Variants in DGCR2 observed in about 807,000 individuals in gnomAD.
DGCR2 encodes DiGeorge syndrome critical region gene 2, also known as integral membrane protein DGCR2/IDD.
DGCR2 carries 24 observed loss-of-function variants against 51.6 expected under a neutral mutation model. That is an observed-to-expected ratio of 0.47 (90% confidence interval 0.34 to 0.65). The LOEUF is 0.65. DGCR2 is among the 30% of genes least tolerant of loss of function. The probability of loss-of-function intolerance (pLI) is 0.01; values close to 1 mark genes in which losing one functional copy is unlikely to be tolerated. For synonymous variants in DGCR2, 340 were observed against 315.4 expected (o/e 1.08, Z -0.82); for missense variants, 765 against 772.1 (o/e 0.99, Z 0.11).
At chr22:19,089,225 CAGAG>C (rs2083050899) in intron 2 of DGCR2, 139 bp downstream of exon 2, 1 of 957,390 alleles carries the variant, frequency 1.0e-6, no homozygotes. Context: ...GACAGAAAGA[CAGAG>C]AGAGAGGAAG....
intron 7 of DGCR2, among the ~76,000 whole-genome samples, chr22:19,044,254 C>T (rs192905680): frequency 7.7e-4 from 117 of 152,308 alleles, no homozygotes; most frequent in Admixed American, 2.4e-3. Context: ...CCAGGGGCCC[C>T]AGAGGCCCCT....
intron 2 of DGCR2, among the ~76,000 whole-genome samples, chr22:19,080,590 C>A (rs576592822): frequency 3.1e-4 from 47 of 152,308 alleles, no homozygotes; most frequent in African/African-American, 9.6e-5. Context: ...GTAATCCCAG[C>A]ACTTTGGGAG....
chr22:19,062,757 GCA>G (rs553634878), intron 5 of DGCR2, among the ~76,000 whole-genome samples: 15 of 134,286 alleles, frequency 1.1e-4, no homozygotes, highest in South Asian at 5.7e-4. Context: ...AAATCTTTGC[GCA>G]CACACACACA....
At position 19,122,115 on chromosome 22, in the gene DGCR2, T is replaced by C; in HGVS notation, c.79+13A>G. 5.4e-6 allele frequency: 8 copies of C among 1,477,858 alleles called. No individual in the cohort carries two copies. The highest frequency in any genetic ancestry group is 5.4e-6 in the Non-Finnish European group (6 of 1,111,626). The allele number at this position is 1,477,858 out of a possible 1,614,324, so 91.5% of individuals were successfully genotyped here. ...CCGCCCAGCCCCCACACCGCCCCCATCGCGCGGCGCACCTGGCCGCAGCGG... is the reference window on the plus strand; with the variant it reads ...CCGCCCAGCCCCCACACCGCCCCCACCGCGCGGCGCACCTGGCCGCAGCGG... On this transcript the variant is annotated intron_variant, in intron 1 of 9. Transcript: ENST00000263196.
At position 19,081,765 on chromosome 22, in the gene DGCR2, T is replaced by A. The variant is rs1309668054; in HGVS notation, c.202+7603A>T. ...GATAATGTCTCTATTCCAGAGTGGG[T>A]GTAAAGAAGCACATAAAATTTCCAC... On this transcript the variant is annotated intron_variant, in intron 2 of 9. Transcript: ENST00000263196. 3.3e-5 allele frequency among the ~76,000 whole-genome samples: 5 copies of A among 152,176 alleles called. No homozygotes were observed. In the East Asian group the frequency reaches 9.6e-4, roughly 29 times the overall value.
At chr22:19,109,956 C>A (rs566438875) in intron 1 of DGCR2, among the ~76,000 whole-genome samples, 1 of 152,340 alleles carries the variant, frequency 6.6e-6, no homozygotes, top group South Asian at 2.1e-4. Context: ...TACAGCCCAG[C>A]CATGGGCAGG....
At chr22:19,089,316 G>A in intron 2 of DGCR2, 52 bp downstream of exon 2, 2 of 1,513,546 alleles carry the variant, frequency 1.3e-6, no homozygotes, top group Middle Eastern at 1.8e-4. Flanking sequence ...CAGTCACCCA[G>A]CTACAACAAA....
chr22:19,092,287 G>GCCGAGGTTACAGC (rs2083087278), intron 1 of DGCR2, among the ~76,000 whole-genome samples: 1 of 151,652 alleles, frequency 6.6e-6, no homozygotes, highest in South Asian at 2.1e-4. Context: ...GAGGTTACAG[G>GCCGAGGTTACAGC]AAGCCAAGAT....
In DGCR2 at chr22:19,065,021, C is replaced by T. The variant is rs769314733; in HGVS notation, c.375G>A (p.Thr125=). 11 of 1,613,944 alleles carry T rather than the reference C, an allele frequency of 6.8e-6. No individual in the cohort carries two copies. Among genetic ancestry groups the T allele is most frequent in the Admixed American group, 6.7e-5 (4 of 60,006 alleles). Residue 125 remains threonine (T), a synonymous_variant, in exon 4 of 10, where the codon ACG becomes ACA. Transcript: ENST00000263196. ...CPTGWHHYEG[T]ASCYRVYLSG... is the part of the protein sequence containing the mutation. ...TCAGGTAGACCCGGTAGCAGCTGGC[C>T]GTGCCTTCGTAGTGGTGCCACCCTG...
intron 5 of DGCR2, among the ~76,000 whole-genome samples, chr22:19,058,774 C>A (rs879667328): frequency 1.3e-5 from 2 of 152,240 alleles, no homozygotes; most frequent in Non-Finnish European, 2.9e-5. Flanking sequence ...CATTTGCCCA[C>A]GAAAGCTGCC....
intron 2 of DGCR2, among the ~76,000 whole-genome samples, chr22:19,081,629 C>T (rs531600907): frequency 2.6e-5 from 4 of 152,318 alleles, no homozygotes; most frequent in Admixed American, 6.5e-5. Flanking sequence ...TTTATCTGCT[C>T]CTTTACACCC....
intron 1 of DGCR2, among the ~76,000 whole-genome samples, chr22:19,102,939 A>G (rs1180222225): frequency 6.6e-6 from 1 of 152,182 alleles, no homozygotes; most frequent in East Asian, 1.9e-4. Context: ...CCAGGAGGTC[A>G]GGGCTGCAGT....
rs55877455 is a variant in DGCR2 at position 19,103,416 on chromosome 22, C to CTTTTT, written c.80-13931_80-13927dup. ...GTATTTTACCACAATAAAAAAAGTT[C>CTTTTT]TTTTTTTTTTTTTTTTTTTTTTTTT... On this transcript the variant is annotated intron_variant, in intron 1 of 9. Transcript: ENST00000263196. Among the ~76,000 whole-genome samples the CTTTTT allele has an allele frequency of 2.0e-3, 138 of 67,722 alleles. 9 individuals are homozygous for CTTTTT. The highest frequency in any genetic ancestry group is 2.6e-3 in the African/African-American group (52 of 20,350). The allele number at this position is 67,722 out of a possible 152,430, so 44.4% of individuals were successfully genotyped here.
chr22:19,077,734 A>T (rs1426384624), intron 2 of DGCR2, among the ~76,000 whole-genome samples: 1 of 152,152 alleles, frequency 6.6e-6, no homozygotes, highest in African/African-American at 2.4e-5. Context: ...ACTTGTTGGC[A>T]TTTTAATAGG....
chr22:19,109,027 T>A, intron 1 of DGCR2, among the ~76,000 whole-genome samples: 1 of 151,364 alleles, frequency 6.6e-6, no homozygotes, highest in African/African-American at 2.4e-5. Flanking sequence ...CGAAACTGTC[T>A]CAAAAGGAAA....
At chr22:19,050,341 A>G (rs2082536210) in intron 6 of DGCR2, among the ~76,000 whole-genome samples, 1 of 152,254 alleles carries the variant, frequency 6.6e-6, no homozygotes, top group Admixed American at 6.5e-5. Flanking sequence ...ACAGAAAACC[A>G]TCAACCAAGA....
chr22:19,057,812 C>T lies in DGCR2; in HGVS notation c.626-650G>A, dbSNP rs1470424796. 1.3e-5 allele frequency among the ~76,000 whole-genome samples: 2 copies of T among 152,084 alleles called. No individual in the cohort carries two copies. The highest frequency in any genetic ancestry group is 4.8e-5 in the African/African-American group (2 of 41,408). ...AACCGTGTACCCCTGCCGCAGAGAG[C>T]GTGAGGGTTGGGGACTGCTAACCTC... On this transcript the variant is annotated intron_variant, in intron 5 of 9. Transcript: ENST00000263196. This position sits in a 1 kb window ranked among gnomAD's most constrained non-coding sequence, Gnocchi z 5.1.
intron 7 of DGCR2, among the ~76,000 whole-genome samples, chr22:19,044,777 T>C (rs1177017412): frequency 1.3e-5 from 2 of 152,384 alleles, no homozygotes; most frequent in South Asian, 2.1e-4. Context: ...TATATCTTCT[T>C]TGATAAAGTT....
chr22:19,087,678 C>CT (rs35513614), intron 2 of DGCR2, among the ~76,000 whole-genome samples: 8,082 of 120,204 alleles, frequency 0.067, 464 homozygotes, highest in African/African-American at 0.14. Context: ...CTGCACCTGG[C>CT]TTTTTTTTTT....
Sources: gnomAD v4.1 joint callset for allele counts (sites outside exome capture counted in the v4.1 genomes callset) on GRCh38, gnomAD v4.1.1 for gene constraint, Gnocchi (gnomAD v3.1) non-coding constraint, MANE v1.5 for transcripts, NCBI Gene and HGNC (gene_info 2026-07-23, HGNC 2026-07-21) for gene names.